GPATCH8: variants seen among roughly 807,000 people sequenced by gnomAD.
The protein encoded by GPATCH8 is G patch domain-containing protein 8.
In GPATCH8, 18 loss-of-function variants were observed where a neutral mutation model predicts 118.3. The observed-to-expected ratio is 0.15, with a 90% CI of 0.11 to 0.23. The LOEUF is 0.23. GPATCH8 is among the 10% of genes least tolerant of loss of function. The probability of loss-of-function intolerance (pLI) is 1.00; values close to 1 mark genes in which losing one functional copy is unlikely to be tolerated. For missense variants in GPATCH8, 1,631 were observed against 1,873.8 expected, an observed-to-expected ratio of 0.87 and a Z score of 2.39; for synonymous variants, 659 against 684.7, an observed-to-expected ratio of 0.96 and a Z score of 0.59.
At chr17:44,451,234 C>T (rs1156687031) in intron 3 of GPATCH8, among the ~76,000 whole-genome samples, 1 of 152,140 alleles carries the variant, frequency 6.6e-6, no homozygotes, top group Non-Finnish European at 1.5e-5. Context: ...GCTGGGATTA[C>T]AGGCGTGCAC....
chr17:44,461,030 T>C (rs1244030835), intron 3 of GPATCH8, among the ~76,000 whole-genome samples: 1 of 152,220 alleles, frequency 6.6e-6, no homozygotes, highest in African/African-American at 2.4e-5. Context: ...TAAGGCTCCA[T>C]TCTTTTTGGA....
chr17:44,453,500 G>GTGTGTGT, intron 3 of GPATCH8, among the ~76,000 whole-genome samples: 2 of 142,776 alleles, frequency 1.4e-5, no homozygotes, highest in South Asian at 4.5e-4. Flanking sequence ...GGTAGGTAGG[G>GTGTGTGT]GTGTGTGTGT....
At chr17:44,407,918 A>C (rs2049294132) in intron 6 of GPATCH8, among the ~76,000 whole-genome samples, 1 of 152,126 alleles carries the variant, frequency 6.6e-6, no homozygotes, top group Non-Finnish European at 1.5e-5. Context: ...CGGCCTCCCA[A>C]AGTGCTGGGA....
intron 2 of GPATCH8, chr17:44,465,468 A>T (rs1408231762): frequency 1.3e-5 from 2 of 152,210 alleles, no homozygotes; most frequent in African/African-American, 2.4e-5. Flanking sequence ...AAACATCTGC[A>T]GCCCTTTCTT....
chr17:44,399,074 C>T lies in GPATCH8; in HGVS notation c.3003G>A (p.Gln1001=), dbSNP rs1470880737. Residue 1001 remains glutamine, a synonymous_variant, in exon 8 of 8, where the codon CAG becomes CAA. Transcript: ENST00000591680. ...ATGATCTCTTCCTGGAGCCTGATCT[C>T]TGGGAAGGGCTCCTGGTGCTGCGGC... ...DRSRSTRSPS[Q]RSGSRKRSWG... 6.2e-7 allele frequency: 1 copy of T among 1,613,968 alleles called. No homozygotes were observed. The highest frequency in any genetic ancestry group is 8.5e-7 in the Non-Finnish European group (1 of 1,180,002).
At chr17:44,449,537 A>G (rs2051035251) in intron 3 of GPATCH8, among the ~76,000 whole-genome samples, 3 of 136,490 alleles carry the variant, frequency 2.2e-5, no homozygotes, top group Non-Finnish European at 4.6e-5. Context: ...TTTTCCTGAG[A>G]CAGAGTTTCA....
In GPATCH8 at chr17:44,436,526, T is replaced by C. The variant is rs372793846; in HGVS notation, c.213A>G (p.Pro71=). ...KSLQGRTDPI[P]IVVKYDVMGM... ...CCATGACATCATACTTGACAACGAT[T>C]GGAATGGGATCTGTTCTCCCTGTAA... Residue 71 remains proline, a synonymous_variant, in exon 4 of 8, where the codon CCA becomes CCG. Coordinates refer to ENST00000591680, the MANE Select transcript of GPATCH8 (RefSeq NM_001002909.4). 4.1e-5 allele frequency: 62 copies of C among 1,506,304 alleles called. No homozygotes were observed. Among genetic ancestry groups the C allele is most frequent in the Non-Finnish European group, 3.4e-5 (37 of 1,081,510 alleles). 93.3% of individuals were successfully genotyped at this position (1,506,304 alleles called of 1,614,324 possible).
At chr17:44,423,039 TGGG>T (rs2049969944) in intron 6 of GPATCH8, among the ~76,000 whole-genome samples, 2 of 151,380 alleles carry the variant, frequency 1.3e-5, no homozygotes, top group African/African-American at 4.8e-5. Context: ...GAGGCCGAGG[TGGG>T]CGGATCACGA....
At chr17:44,495,645 A>G (rs1026825569) in intron 1 of GPATCH8, among the ~76,000 whole-genome samples, 1 of 152,186 alleles carries the variant, frequency 6.6e-6, no homozygotes, top group Non-Finnish European at 1.5e-5. Context: ...AGTTTTCAAA[A>G]ATTAGTCTAT....
chr17:44,421,982 C>G (rs1255671907), intron 6 of GPATCH8, among the ~76,000 whole-genome samples: 1 of 152,092 alleles, frequency 6.6e-6, no homozygotes, highest in Non-Finnish European at 1.5e-5. Context: ...ATCTCAGCCT[C>G]CCAAAGTGCT....
chr17:44,501,316 C>T lies in GPATCH8; in HGVS notation c.45+2010G>A, dbSNP rs575097525. ...CCTGTAATCCCAGCTGCTTGGGAGG[C>T]TGAGGCAGAAGAATTGCTTGAACCC... On this transcript the variant is annotated intron_variant, in intron 1 of 7. Coordinates refer to ENST00000591680, the MANE Select transcript of GPATCH8 (RefSeq NM_001002909.4). Among the ~76,000 whole-genome samples, 195 of 151,834 alleles carry T rather than the reference C, an allele frequency of 1.3e-3. 2 individuals carry two copies. The highest frequency in any genetic ancestry group is 2.3e-3 in the Non-Finnish European group (155 of 67,986).
chr17:44,484,854 A>C (rs1968650502), intron 1 of GPATCH8, among the ~76,000 whole-genome samples: 1 of 152,044 alleles, frequency 6.6e-6, no homozygotes, highest in African/African-American at 2.4e-5. Flanking sequence ...TCTAACTTTT[A>C]TTATGTATTT....
Position 44,499,377 on chromosome 17 carries a change from G to A in GPATCH8, c.45+3949C>T, listed in dbSNP as rs562981074. Among the ~76,000 whole-genome samples, 13 of 152,320 alleles carry A rather than the reference G, an allele frequency of 8.5e-5. No homozygotes were observed. In the South Asian group the frequency reaches 2.5e-3, roughly 29 times the overall value. On this transcript the variant is annotated intron_variant, in intron 1 of 7. Transcript: ENST00000591680. Reference sequence around the variant, plus strand: ...CCCAGCTACTCGGGAGGCTGAGGCAGGAGAATCACTTGAACCCGGGAGGCG... The same window carrying A: ...CCCAGCTACTCGGGAGGCTGAGGCAAGAGAATCACTTGAACCCGGGAGGCG...
chr17:44,451,169 C>A (rs2051098513), intron 3 of GPATCH8, among the ~76,000 whole-genome samples: 1 of 152,150 alleles, frequency 6.6e-6, no homozygotes, highest in Admixed American at 6.6e-5. Context: ...AGGCGGCTCA[C>A]TGTAACCTCC....
chr17:44,464,612 T>C (rs1251318092), intron 2 of GPATCH8, 68 bp from the exon 3 acceptor site: 1 of 922,122 alleles, frequency 1.1e-6, no homozygotes, highest in African/African-American at 1.6e-5. Flanking sequence ...CCTAGAGACA[T>C]TTAAACAGAT....
chr17:44,459,387 T>C (rs2051460912), intron 3 of GPATCH8, among the ~76,000 whole-genome samples: 1 of 152,190 alleles, frequency 6.6e-6, no homozygotes, highest in South Asian at 2.1e-4. Flanking sequence ...ACTTACTTTG[T>C]TTTCATAACT....
At chr17:44,427,400 A>C (rs1237021359) in intron 5 of GPATCH8, among the ~76,000 whole-genome samples, 1 of 152,086 alleles carries the variant, frequency 6.6e-6, no homozygotes, top group Non-Finnish European at 1.5e-5. Flanking sequence ...ATAGGGTACA[A>C]AATTCAGAAA....
chr17:44,414,669 TCAC>T, intron 6 of GPATCH8, among the ~76,000 whole-genome samples: 1 of 152,284 alleles, frequency 6.6e-6, no homozygotes, highest in Middle Eastern at 3.4e-3. Flanking sequence ...TGTGCAACTA[TCAC>T]CACTATCTAA....
rs567613406 is a variant in GPATCH8 at position 44,398,959 on chromosome 17, G to C, written c.3118C>G (p.Arg1040Gly). ...IYRSQSPHYF[R>G]SGRGEGPGKK... ...CCAGGACCTTCTCCCCGGCCTGATC[G>C]GAAATAGTGGGGGGACTGGGAGCGG... The change falls in exon 8 of 8, where the codon CGA becomes GGA. Residue 1040 changes from arginine to glycine, a missense_variant. Physicochemically the swap from Arg to Gly is moderately radical, Grantham distance 125. Transcript: ENST00000591680. 11 of 1,614,100 alleles carry C rather than the reference G, an allele frequency of 6.8e-6. No homozygotes were observed. The African/African-American group carries it at 1.5e-4, about 22-fold the overall frequency.
Sources: allele counts gnomAD v4.1 joint callset (sites outside exome capture counted in the v4.1 genomes callset), GRCh38; gene constraint gnomAD v4.1.1; transcripts MANE v1.5; gene names NCBI Gene and HGNC (gene_info 2026-07-23, HGNC 2026-07-21).